GLRA3: variants seen among roughly 807,000 people sequenced by gnomAD.
GLRA3 encodes glycine receptor subunit alpha-3.
GLRA3 carries 44 observed loss-of-function variants against 60.4 expected under a neutral mutation model. The ratio of observed to expected loss-of-function variants is 0.73; its 90% CI spans 0.57 to 0.94. GLRA3 has a LOEUF of 0.94. GLRA3 is among the 40% of genes least tolerant of loss of function. GLRA3 has a pLI of 0.00. For synonymous variants in GLRA3, 223 were observed against 192.9 expected, an observed-to-expected ratio of 1.16 and a Z score of -1.29; for missense variants, 508 against 564.6, an observed-to-expected ratio of 0.90 and a Z score of 1.02.
At chr4:174,671,882 C>T (rs1456328364) in intron 7 of GLRA3, among the ~76,000 whole-genome samples, 1 of 152,062 alleles carries the variant, frequency 6.6e-6, no homozygotes, top group Non-Finnish European at 1.5e-5. Flanking sequence ...AACTCCTAGC[C>T]TCAAGTGATC....
chr4:174,804,514 A>G (rs1036881808), intron 1 of GLRA3, among the ~76,000 whole-genome samples: 1 of 152,128 alleles, frequency 6.6e-6, no homozygotes, highest in South Asian at 2.1e-4. Flanking sequence ...CCTAAGAGAC[A>G]TATAATTAAT....
intron 5 of GLRA3, among the ~76,000 whole-genome samples, chr4:174,703,061 G>C (rs1450973391): frequency 6.6e-6 from 1 of 152,144 alleles, no homozygotes; most frequent in African/African-American, 2.4e-5. Context: ...CCTGATAGCA[G>C]AACTCAGAGA....
At chr4:174,661,801 G>A (rs553293870) in intron 7 of GLRA3, among the ~76,000 whole-genome samples, 18 of 152,090 alleles carry the variant, frequency 1.2e-4, no homozygotes, top group Non-Finnish European at 2.6e-4. Context: ...CACCTCAAAG[G>A]TAGAAAAGGG....
intron 5 of GLRA3, among the ~76,000 whole-genome samples, chr4:174,709,027 T>A (rs980836815): frequency 3.9e-5 from 6 of 152,010 alleles, no homozygotes; most frequent in African/African-American, 1.4e-4. Context: ...TTATTTCTTT[T>A]GCGTCAAATA....
At chr4:174,769,586 G>GT (rs1293951037) in intron 2 of GLRA3, among the ~76,000 whole-genome samples, 1 of 152,076 alleles carries the variant, frequency 6.6e-6, no homozygotes, top group African/African-American at 2.4e-5. Flanking sequence ...ACAGAGGAAT[G>GT]TAATGAGAAT....
chr4:174,825,080 A>T (rs1382214406), intron 1 of GLRA3, among the ~76,000 whole-genome samples: 2 of 152,106 alleles, frequency 1.3e-5, no homozygotes, highest in Non-Finnish European at 2.9e-5. Flanking sequence ...TGCTTGAGGC[A>T]TTGACTGGAC....
intron 5 of GLRA3, among the ~76,000 whole-genome samples, chr4:174,692,654 T>C: frequency 6.6e-6 from 1 of 150,922 alleles, no homozygotes. Context: ...AACCCTGTGC[T>C]CTCTGAAACA....
rs1040618926 is a variant in GLRA3 at position 174,812,264 on chromosome 4, A to G, written c.71+16477T>C. 6.6e-5 allele frequency among the ~76,000 whole-genome samples: 10 copies of G among 152,264 alleles called. 1 individual carries two copies. The East Asian group carries it at 1.5e-3, about 23-fold the overall frequency. On this transcript the variant is annotated intron_variant, in intron 1 of 9. Coordinates refer to ENST00000274093, the MANE Select transcript of GLRA3 (RefSeq NM_006529.4). Reference sequence around the variant, plus strand: ...AAAAGCATGATATTTTGAAGCACCAATCTCTAGAGTCTCCAGACTTAAAAA... The same window carrying G: ...AAAAGCATGATATTTTGAAGCACCAGTCTCTAGAGTCTCCAGACTTAAAAA...
chr4:174,719,536 A>T (rs1736061033), intron 4 of GLRA3, among the ~76,000 whole-genome samples: 1 of 152,212 alleles, frequency 6.6e-6, no homozygotes, highest in South Asian at 2.1e-4. Context: ...TGTAGAAAAT[A>T]TAAGGAATTT....
chr4:174,828,166 C>T (rs1741053479), intron 1 of GLRA3, among the ~76,000 whole-genome samples: 1 of 152,102 alleles, frequency 6.6e-6, no homozygotes, highest in Middle Eastern at 3.4e-3. Context: ...GAAGATTATT[C>T]CTGACATAGA....
rs10012053 is a variant in GLRA3 at position 174,802,538 on chromosome 4, T to C, written c.72-13595A>G. ...ATAGTTACATTCCTTCCCTATTATA[T>C]AGACCTCCAATTTTAGTCAACTGGA... On this transcript the variant is annotated intron_variant, in intron 1 of 9. Coordinates refer to ENST00000274093, the MANE Select transcript of GLRA3 (RefSeq NM_006529.4). Among the ~76,000 whole-genome samples the C allele has an allele frequency of 9.4e-3, 1,438 of 152,186 alleles. 21 individuals are homozygous for C. The highest frequency in any genetic ancestry group is 0.032 in the African/African-American group (1,335 of 41,544).
Position 174,699,535 on chromosome 4 carries a change from G to A in GLRA3, c.574+15953C>T, listed in dbSNP as rs1230006855. On this transcript the variant is annotated intron_variant, in intron 5 of 9. Transcript: ENST00000274093. ...ATAGCAAAATCATAGCTGTGTAATA[G>A]AATTATGCAGGAAAGCACTAATTCC... Among the ~76,000 whole-genome samples the A allele has an allele frequency of 2.0e-5, 3 of 152,092 alleles. No individual in the cohort carries two copies. In the East Asian group the frequency reaches 5.8e-4, roughly 29 times the overall value.
chr4:174,699,997 G>A (rs893750019), intron 5 of GLRA3, among the ~76,000 whole-genome samples: 13 of 151,968 alleles, frequency 8.6e-5, no homozygotes, highest in Admixed American at 8.5e-4. Context: ...TTTATAAATT[G>A]TTAAGTATAT....
intron 5 of GLRA3, among the ~76,000 whole-genome samples, chr4:174,698,830 G>A (rs1579465890): frequency 6.6e-6 from 1 of 151,928 alleles, no homozygotes; most frequent in South Asian, 2.1e-4. Context: ...AGCATGGTAT[G>A]GACAGATTTC....
At chr4:174,751,061 G>GTCTA (rs901405538) in intron 3 of GLRA3, among the ~76,000 whole-genome samples, 2,794 of 139,530 alleles carry the variant, frequency 0.02, 92 homozygotes, top group African/African-American at 0.069. Context: ...CTGTCTGTCT[G>GTCTA]TCTATCTATC....
chr4:174,779,850 A>T (rs1738791231), intron 2 of GLRA3, among the ~76,000 whole-genome samples: 1 of 151,990 alleles, frequency 6.6e-6, no homozygotes, highest in African/African-American at 2.4e-5. Context: ...GTGTACCTGA[A>T]AGTGATGGGG....
At chr4:174,685,159 A>T (rs906710852) in intron 5 of GLRA3, among the ~76,000 whole-genome samples, 2 of 152,212 alleles carry the variant, frequency 1.3e-5, no homozygotes, top group African/African-American at 2.4e-5. Flanking sequence ...AACAACTGGC[A>T]TGGAGCTGGT....
chr4:174,729,935 T>G (rs918213997), intron 3 of GLRA3, among the ~76,000 whole-genome samples: 1 of 152,198 alleles, frequency 6.6e-6, no homozygotes, highest in African/African-American at 2.4e-5. Context: ...TTGCTTATGT[T>G]ATTGGTAGGT....
intron 1 of GLRA3, among the ~76,000 whole-genome samples, chr4:174,818,431 A>G (rs1016490750): frequency 6.6e-6 from 1 of 152,196 alleles, no homozygotes; most frequent in South Asian, 2.1e-4. Flanking sequence ...CTTTTGAAAT[A>G]GAGCAAAATT....
Sources: allele counts gnomAD v4.1 joint callset (sites outside exome capture counted in the v4.1 genomes callset), GRCh38; gene constraint gnomAD v4.1.1; transcripts MANE v1.5; gene names NCBI Gene and HGNC (gene_info 2026-07-23, HGNC 2026-07-21).